The following PTPRR variants were observed in gnomAD, a reference collection of about 807,000 sequenced individuals.
PTPRR encodes protein tyrosine phosphatase receptor type R, also known as receptor-type tyrosine-protein phosphatase R.
PTPRR carries 38 observed loss-of-function variants against 77.2 expected under a neutral mutation model. The ratio of observed to expected loss-of-function variants is 0.49; its 90% CI spans 0.38 to 0.65. PTPRR has a LOEUF of 0.65. Ranked by LOEUF, PTPRR falls within the 30% of genes least tolerant of loss-of-function variation. The pLI is 0.00. For missense variants in PTPRR, 744 were observed against 799.2 expected (o/e 0.93, Z 0.83); for synonymous variants, 299 against 283.1 (o/e 1.06, Z -0.57).
At position 70,784,279 on chromosome 12, in the gene PTPRR, G is replaced by A. The variant is rs548310106; in HGVS notation, c.358-19501C>T. Among the ~76,000 whole-genome samples, 18 of 152,322 alleles carry A rather than the reference G, an allele frequency of 1.2e-4. No individual in the cohort carries two copies. In the East Asian group the frequency reaches 3.5e-3, roughly 29 times the overall value. ...AGTTGCACCTGGGGAGCTCCCACCT[G>A]CCAACTTGGAAGGGGCAGGGCTCCC... On this transcript the variant is annotated intron_variant, in intron 2 of 13. Coordinates refer to ENST00000283228, the MANE Select transcript of PTPRR (RefSeq NM_002849.4).
At chr12:70,857,806 A>G (rs1332149924) in intron 2 of PTPRR, among the ~76,000 whole-genome samples, 1 of 152,148 alleles carries the variant, frequency 6.6e-6, no homozygotes, top group Non-Finnish European at 1.5e-5. Flanking sequence ...CTTAGAAGGC[A>G]AGAACATAAC....
rs754513645 is a variant in PTPRR at position 70,701,192 on chromosome 12, C to T, written c.1139G>A (p.Arg380Lys). ...YLQSASRILT[R>K]SQLRDVVASS... The stretch of plus-strand genomic sequence containing the variant: ...TGCCACGACGTCCCTCAGCTGAGAC[C>T]TTGTGAGAATTCGGCTGGCTGACTG... The change falls in exon 7 of 14, where the codon AGG (arginine) becomes AAG (lysine). Residue 380 changes from arginine (R) to lysine (K), a missense_variant. By Grantham distance (26) the Arg-to-Lys change is conservative. Around this residue, in one of 3 missense-constraint regions of PTPRR, gnomAD observed 570 missense variants for 573.2 expected, o/e 0.99. Coordinates refer to ENST00000283228, the MANE Select transcript of PTPRR (RefSeq NM_002849.4). The T allele has an allele frequency of 6.2e-7, 1 of 1,613,960 alleles. No homozygotes were observed. Among genetic ancestry groups the T allele is most frequent in the Admixed American group, 1.7e-5 (1 of 59,946 alleles).
At chr12:70,686,100 TTC>T (rs1202761094) in intron 8 of PTPRR, among the ~76,000 whole-genome samples, 15 of 152,190 alleles carry the variant, frequency 9.9e-5, no homozygotes, top group Admixed American at 9.2e-4. Flanking sequence ...GCTTTTCAGC[TTC>T]CTTTCTCAGT....
intron 6 of PTPRR, among the ~76,000 whole-genome samples, chr12:70,703,021 C>T (rs1311854857): frequency 1.3e-5 from 2 of 151,530 alleles, no homozygotes; most frequent in Non-Finnish European, 2.9e-5. Flanking sequence ...TTTATTCCAA[C>T]CTATTCTTTC....
chr12:70,747,427 C>T (rs1890247951), intron 5 of PTPRR, among the ~76,000 whole-genome samples: 1 of 152,180 alleles, frequency 6.6e-6, no homozygotes. Flanking sequence ...ATATTTTAAG[C>T]TCTTCACATC....
intron 2 of PTPRR, among the ~76,000 whole-genome samples, chr12:70,792,859 C>T (rs556620022): frequency 1.3e-5 from 2 of 152,020 alleles, no homozygotes; most frequent in African/African-American, 2.4e-5. Context: ...TGAAAAGAGC[C>T]CCTGTCAGAG....
intron 4 of PTPRR, among the ~76,000 whole-genome samples, chr12:70,760,519 A>T (rs1198951256): frequency 6.6e-6 from 1 of 152,184 alleles, no homozygotes; most frequent in Non-Finnish European, 1.5e-5. Context: ...GACAGGGAAG[A>T]TGGCTCACTC....
chr12:70,710,044 A>G (rs1224224563), intron 6 of PTPRR, among the ~76,000 whole-genome samples: 2 of 152,166 alleles, frequency 1.3e-5, no homozygotes, highest in Non-Finnish European at 2.9e-5. Flanking sequence ...CAGAACTAGA[A>G]AAACTATTTT....
intron 1 of PTPRR, among the ~76,000 whole-genome samples, chr12:70,903,680 G>C (rs1349219609): frequency 6.6e-6 from 1 of 151,744 alleles, no homozygotes; most frequent in Non-Finnish European, 1.5e-5. Flanking sequence ...TTAGGCAAAG[G>C]TTCCTTGGAC....
At chr12:70,686,713 TG>T (rs1476710587) in intron 8 of PTPRR, among the ~76,000 whole-genome samples, 1 of 152,170 alleles carries the variant, frequency 6.6e-6, no homozygotes, top group Non-Finnish European at 1.5e-5. Context: ...GGCCTCCAGC[TG>T]ATAGCATATG....
rs574571466 is a variant in PTPRR at position 70,825,012 on chromosome 12, C to T, written c.358-60234G>A. On this transcript the variant is annotated intron_variant, in intron 2 of 13. Transcript: ENST00000283228. ...TAGAAATCTTAAGTTAGGCTGGGCG[C>T]GTTGGCTCACGCCTGTAATCCCAGC... Among the ~76,000 whole-genome samples, 5 of 152,236 alleles carry T rather than the reference C, an allele frequency of 3.3e-5. No homozygotes were observed. In the South Asian group the frequency reaches 6.2e-4, roughly 19 times the overall value.
At chr12:70,793,454 C>T (rs1243373669) in intron 2 of PTPRR, among the ~76,000 whole-genome samples, 1 of 152,046 alleles carries the variant, frequency 6.6e-6, no homozygotes, top group South Asian at 2.1e-4. Context: ...GTGGTCCAGT[C>T]AAAGCAAAAG....
At chr12:70,816,992 A>C (rs899976860) in intron 2 of PTPRR, among the ~76,000 whole-genome samples, 2 of 152,088 alleles carry the variant, frequency 1.3e-5, no homozygotes, top group Non-Finnish European at 2.9e-5. Flanking sequence ...TTAACAGGTC[A>C]TCTCATCCTG....
At chr12:70,806,839 A>G (rs1891718854) in intron 2 of PTPRR, among the ~76,000 whole-genome samples, 2 of 152,110 alleles carry the variant, frequency 1.3e-5, no homozygotes, top group African/African-American at 4.8e-5. Context: ...CCTACAACTG[A>G]TTTCTTTCTG....
At chr12:70,684,388 C>T (rs996060659) in intron 9 of PTPRR, 124 bp from the exon 10 acceptor site, 4 of 1,013,684 alleles carry the variant, frequency 3.9e-6, no homozygotes, top group Admixed American at 2.5e-5. Flanking sequence ...TACGGCTTCA[C>T]TGACTCTAGT....
intron 2 of PTPRR, among the ~76,000 whole-genome samples, chr12:70,866,991 C>T (rs201001476): frequency 0.026 from 3,903 of 151,296 alleles, 58 homozygotes; most frequent in Middle Eastern, 0.041. Context: ...ATTCAGCAAC[C>T]CTTCATGCTA....
intron 6 of PTPRR, among the ~76,000 whole-genome samples, chr12:70,715,657 G>A (rs1433950579): frequency 2.0e-5 from 3 of 152,162 alleles, no homozygotes; most frequent in Non-Finnish European, 4.4e-5. Context: ...AAAGAATTCA[G>A]CGATATTTCT....
At chr12:70,781,731 G>T (rs1181959223) in intron 2 of PTPRR, among the ~76,000 whole-genome samples, 1 of 152,094 alleles carries the variant, frequency 6.6e-6, no homozygotes, top group Non-Finnish European at 1.5e-5. Context: ...GACCAATTTT[G>T]ATCAGAACAA....
chr12:70,738,655 A>G (rs944658427), intron 6 of PTPRR, among the ~76,000 whole-genome samples: 3 of 152,250 alleles, frequency 2.0e-5, no homozygotes, highest in Non-Finnish European at 4.4e-5. Context: ...TACTTTCTAG[A>G]GTTTGAATGT....
Sources: allele counts gnomAD v4.1 joint callset (sites outside exome capture counted in the v4.1 genomes callset), GRCh38; gene constraint gnomAD v4.1.1; regional missense constraint gnomAD v4.1.1; transcripts MANE v1.5; gene names NCBI Gene and HGNC (gene_info 2026-07-23, HGNC 2026-07-21).